Variants in POLA1 observed in about 807,000 individuals in gnomAD.
POLA1 encodes the protein DNA polymerase alpha 1, catalytic subunit.
Under a neutral mutation model 124.0 loss-of-function variants are expected in POLA1, and 15 were observed. The ratio of observed to expected loss-of-function variants is 0.12; its 90% CI spans 0.08 to 0.19. The LOEUF (loss-of-function observed/expected upper bound fraction) is 0.19, where lower values mean the gene tolerates loss of function less well. Among genes scored for constraint, POLA1 ranks in the 10% least tolerant of loss-of-function variants. POLA1 has a pLI of 1.00. For missense variants in POLA1, 886 were observed against 1,103.4 expected (o/e 0.80, Z 2.79); for synonymous variants, 408 against 389.4 (o/e 1.05, Z -0.56).
chrX:24,944,153 T>G (rs2047936598), intron 36 of POLA1, among the ~76,000 whole-genome samples: 2 of 112,131 alleles, frequency 1.8e-5, no homozygotes, highest in South Asian at 7.4e-4. Context: ...TCCTGTTTGT[T>G]AGTCTGTATA....
At chrX:24,893,784 A>G (rs2047172744) in intron 35 of POLA1, among the ~76,000 whole-genome samples, 1 of 112,280 alleles carries the variant, frequency 8.9e-6, no homozygotes, top group Non-Finnish European at 1.9e-5. Context: ...CAATGTGTTT[A>G]TTCATCCATT....
chrX:24,737,689 C>T lies in POLA1; in HGVS notation c.1988C>T (p.Pro663Leu). Residue 663 changes from proline (P) to leucine (L), a missense_variant, in exon 19 of 37, where the codon CCT (proline) becomes CTT (leucine). Physicochemically the swap from Pro to Leu is moderately conservative, Grantham distance 98 (BLOSUM62 -3). Coordinates refer to ENST00000379068, the MANE Select transcript of POLA1 (RefSeq NM_001330360.2). ...LLQRINVCKA[P>L]HWSKIGRLKR... ...CAGAGAATTAATGTGTGCAAAGCTCCTCACTGGTCCAAGATAGGTCGACTG... is the reference window on the plus strand; with the variant it reads ...CAGAGAATTAATGTGTGCAAAGCTCTTCACTGGTCCAAGATAGGTCGACTG... 1 of 1,184,123 alleles carries T rather than the reference C, an allele frequency of 8.4e-7. No homozygotes were observed. The highest frequency in any genetic ancestry group is 1.1e-6 in the Non-Finnish European group (1 of 871,530).
intron 35 of POLA1, among the ~76,000 whole-genome samples, chrX:24,905,561 C>A (rs778649169): frequency 5.2e-5 from 5 of 95,719 alleles, no homozygotes; most frequent in South Asian, 1.2e-3. Flanking sequence ...AACCCCCCCC[C>A]CCTTTTTTTT....
chrX:24,840,482 T>A (rs1204888234), intron 32 of POLA1, among the ~76,000 whole-genome samples: 2 of 112,081 alleles, frequency 1.8e-5, no homozygotes, highest in African/African-American at 6.5e-5. Context: ...CCCTTTCAAC[T>A]GTGAAGAGTC....
chrX:24,953,734 T>TC (rs764466276), intron 36 of POLA1, among the ~76,000 whole-genome samples: 45 of 111,380 alleles, frequency 4.0e-4, no homozygotes, highest in African/African-American at 1.4e-3. Flanking sequence ...TTTTGGAAGG[T>TC]CCCCCTCCAC....
At chrX:24,857,302 A>G (rs1239857164) in intron 34 of POLA1, among the ~76,000 whole-genome samples, 1 of 111,887 alleles carries the variant, frequency 8.9e-6, no homozygotes, top group East Asian at 2.8e-4. Flanking sequence ...TCTTTTGCCA[A>G]TACCACACAC....
chrX:24,855,771 G>A (rs1469642457), intron 34 of POLA1, among the ~76,000 whole-genome samples: 1 of 111,281 alleles, frequency 9.0e-6, no homozygotes, highest in Non-Finnish European at 1.9e-5. Flanking sequence ...GTGGGGGGCA[G>A]TGTTCCATGT....
chrX:24,784,025 A>G (rs909605078), intron 26 of POLA1, among the ~76,000 whole-genome samples: 4 of 103,087 alleles, frequency 3.9e-5, no homozygotes, highest in Non-Finnish European at 6.0e-5. Flanking sequence ...AAACAGTTCT[A>G]CCATTTATCA....
chrX:24,819,686 G>T (rs1057358459), intron 30 of POLA1, among the ~76,000 whole-genome samples: 1 of 110,739 alleles, frequency 9.0e-6, no homozygotes, highest in Non-Finnish European at 1.9e-5. Flanking sequence ...TGTGCTGAAC[G>T]TGCAGGTTTG....
At chrX:24,756,673 A>G (rs756083379) in intron 26 of POLA1, among the ~76,000 whole-genome samples, 10 of 111,481 alleles carry the variant, frequency 9.0e-5, no homozygotes, top group Non-Finnish European at 1.9e-4. Flanking sequence ...GTTGTATGTA[A>G]TATTTTGTGT....
chrX:24,832,036 C>G (rs2046270190), intron 32 of POLA1, among the ~76,000 whole-genome samples: 1 of 111,865 alleles, frequency 8.9e-6, no homozygotes, highest in Non-Finnish European at 1.9e-5. Context: ...GTGGGCAAGT[C>G]TAGTGGGCAA....
chrX:24,725,987 G>A lies in POLA1; in HGVS notation c.1324G>A (p.Glu442Lys). 1 of 1,174,896 alleles carries A rather than the reference G, an allele frequency of 8.5e-7. No individual in the cohort carries two copies. The highest frequency in any genetic ancestry group is 3.0e-5 in the East Asian group (1 of 33,411). ...KIMKFKSKPV[E>K]KNYAFEIPDV... ...AAAATATCTACTTACCCAGCCAGTG[G>A]AAAAGAACTATGCTTTTGAGATACC... The change falls in exon 13 of 37, where the codon GAA becomes AAA. Residue 442 changes from glutamate to lysine, a missense_variant. By Grantham distance (56) the Glu-to-Lys change is moderately conservative. This residue lies in a region of POLA1 where 337 missense variants were observed against 402.8 expected (regional missense o/e 0.84). Transcript: ENST00000379068.
At chrX:24,986,750 G>A (rs1169911228) in intron 36 of POLA1, among the ~76,000 whole-genome samples, 1 of 110,085 alleles carries the variant, frequency 9.1e-6, no homozygotes, top group Non-Finnish European at 1.9e-5. Context: ...ATATATGTAT[G>A]TATGTATGTT....
rs180861976 is a variant in POLA1, at chrX:24,887,653, G to A, written c.4048-353G>A. Among the ~76,000 whole-genome samples, 4 of 111,434 alleles carry A rather than the reference G, an allele frequency of 3.6e-5. No homozygotes were observed. In the Admixed American group the frequency reaches 3.8e-4, roughly 11 times the overall value. ...ATACATGTATGTGGTGCATTCTTTG[G>A]TAATGGTCTTTACTAATGAACTAAA... On this transcript the variant is annotated intron_variant, in intron 34 of 36. Transcript: ENST00000379068.
chrX:24,734,769 C>T (rs989544680), intron 17 of POLA1, among the ~76,000 whole-genome samples: 1 of 110,890 alleles, frequency 9.0e-6, no homozygotes, highest in Non-Finnish European at 1.9e-5. Context: ...GCTCGTGGCA[C>T]CACGCCCAGC....
intron 3 of POLA1, 149 bp from the exon 4 acceptor site, chrX:24,704,240 C>T: frequency 4.2e-6 from 2 of 478,044 alleles, no homozygotes; most frequent in Non-Finnish European, 7.5e-6. Flanking sequence ...CATTGTCTGA[C>T]ACCTGTGTGA....
chrX:24,990,310 G>C (rs1291228902), intron 36 of POLA1, among the ~76,000 whole-genome samples: 2 of 112,077 alleles, frequency 1.8e-5, no homozygotes, highest in African/African-American at 6.5e-5. Flanking sequence ...GATTACTAGC[G>C]CACTGTAATG....
At chrX:24,952,403 A>G (rs2147248806) in intron 36 of POLA1, among the ~76,000 whole-genome samples, 1 of 112,260 alleles carries the variant, frequency 8.9e-6, no homozygotes, top group African/African-American at 3.2e-5. Flanking sequence ...CCATGATGCA[A>G]TCAGTACTTA....
chrX:24,761,532 G>C (rs1404493303), intron 26 of POLA1, among the ~76,000 whole-genome samples: 3 of 111,271 alleles, frequency 2.7e-5, no homozygotes, highest in African/African-American at 9.8e-5. Flanking sequence ...TATTAATAAT[G>C]TAAATTGTTC....
Sources: gnomAD v4.1 joint callset for allele counts (sites outside exome capture counted in the v4.1 genomes callset) on GRCh38, gnomAD v4.1.1 for gene constraint, gnomAD v4.1.1 regional missense constraint, MANE v1.5 for transcripts, NCBI Gene and HGNC (gene_info 2026-07-23, HGNC 2026-07-21) for gene names.